The following ADAMTS12 variants were observed in gnomAD, a reference collection of about 807,000 sequenced individuals.
ADAMTS12 encodes the protein A disintegrin and metalloproteinase with thrombospondin motifs 12.
Under a neutral mutation model 167.8 loss-of-function variants are expected in ADAMTS12, and 118 were observed. The ratio of observed to expected loss-of-function variants is 0.70; its 90% confidence interval spans 0.61 to 0.82. ADAMTS12 has a LOEUF of 0.82. Among genes scored for constraint, ADAMTS12 ranks in the 40% least tolerant of loss-of-function variants. The pLI is 0.00. For synonymous variants in ADAMTS12, 704 were observed against 716.9 expected (o/e 0.98, Z 0.29); for missense variants, 1,916 against 1,998.8 (o/e 0.96, Z 0.79).
chr5:33,569,969 T>C (rs1320362458), intron 19 of ADAMTS12, among the ~76,000 whole-genome samples: 6 of 152,168 alleles, frequency 3.9e-5, no homozygotes, highest in Admixed American at 3.9e-4. Context: ...CAGGAGCTGA[T>C]GTGATCAACT....
chr5:33,530,085 A>C (rs62351097), intron 23 of ADAMTS12, among the ~76,000 whole-genome samples: 1 of 103,040 alleles, frequency 9.7e-6, no homozygotes, highest in East Asian at 5.0e-4. Flanking sequence ...ATGCCCAGCT[A>C]ATTTTTTTTT....
At chr5:33,726,920 C>T (rs918499140) in intron 3 of ADAMTS12, among the ~76,000 whole-genome samples, 5 of 150,828 alleles carry the variant, frequency 3.3e-5, no homozygotes, top group South Asian at 2.1e-4. Context: ...TCCAGGAATC[C>T]GCCTGGGCAG....
chr5:33,696,917 C>T (rs571308857), intron 3 of ADAMTS12, among the ~76,000 whole-genome samples: 9 of 152,272 alleles, frequency 5.9e-5, no homozygotes, highest in African/African-American at 2.2e-4. Context: ...TGCTGTTCTC[C>T]ACAGTTCAGC....
intron 2 of ADAMTS12, among the ~76,000 whole-genome samples, chr5:33,775,592 C>A (rs1293867152): frequency 6.6e-6 from 1 of 152,126 alleles, no homozygotes; most frequent in Non-Finnish European, 1.5e-5. Flanking sequence ...GGAAAACTAG[C>A]CATTAAAGAA....
At chr5:33,696,420 C>CAAA (rs71600922) in intron 3 of ADAMTS12, among the ~76,000 whole-genome samples, 8,954 of 129,696 alleles carry the variant, frequency 0.069, 1,084 homozygotes, top group African/African-American at 0.24. Context: ...GACTCCGTCT[C>CAAA]AAAAAAAAAA....
chr5:33,772,674 C>T (rs992087343), intron 2 of ADAMTS12, among the ~76,000 whole-genome samples: 2 of 152,180 alleles, frequency 1.3e-5, no homozygotes, highest in African/African-American at 4.8e-5. Flanking sequence ...TTCATAAACC[C>T]TTAGCATAGT....
intron 3 of ADAMTS12, among the ~76,000 whole-genome samples, chr5:33,716,345 T>A (rs535909654): frequency 2.4e-4 from 37 of 152,296 alleles, no homozygotes; most frequent in Admixed American, 1.8e-3. Context: ...CTGTTATTTA[T>A]AAATTAACCA....
chr5:33,657,421 T>G (rs1399926349), intron 7 of ADAMTS12, among the ~76,000 whole-genome samples: 1 of 152,196 alleles, frequency 6.6e-6, no homozygotes, highest in African/African-American at 2.4e-5. Flanking sequence ...CCTATTAGTA[T>G]GATGCTCTCT....
intron 16 of ADAMTS12, chr5:33,603,767 C>A (rs1476053214): frequency 7.4e-6 from 1 of 136,002 alleles, no homozygotes; most frequent in Admixed American, 7.4e-5. Flanking sequence ...AATAAGAAAA[C>A]AACATCTTAG....
At chr5:33,548,798 T>C (rs891933636) in intron 21 of ADAMTS12, among the ~76,000 whole-genome samples, 1 of 152,010 alleles carries the variant, frequency 6.6e-6, no homozygotes, top group Admixed American at 6.6e-5. Context: ...GTGGAAAAGA[T>C]AGGGCTGTTT....
At chr5:33,743,997 C>CA (rs2112377268) in intron 3 of ADAMTS12, among the ~76,000 whole-genome samples, 1 of 152,244 alleles carries the variant, frequency 6.6e-6, no homozygotes, top group South Asian at 2.1e-4. Flanking sequence ...AAACTGGCTC[C>CA]ATATAGGTAA....
At position 33,720,372 on chromosome 5, in the gene ADAMTS12, A is replaced by T. The variant is rs561770296; in HGVS notation, c.634+31032T>A. ...AACTCCATTAAGTATTTTATTCTGG[A>T]TTCAAGAATAAGCATTCCAAGTTCA... On this transcript the variant is annotated intron_variant, in intron 3 of 23. Transcript: ENST00000504830. Among the ~76,000 whole-genome samples the T allele has an allele frequency of 2.0e-5, 3 of 151,712 alleles. 1 individual carries two copies. Among genetic ancestry groups the T allele is most frequent in the African/African-American group, 7.2e-5 (3 of 41,414 alleles).
intron 3 of ADAMTS12, among the ~76,000 whole-genome samples, chr5:33,741,637 CT>C (rs777653372): frequency 1.3e-5 from 2 of 151,764 alleles, no homozygotes; most frequent in Non-Finnish European, 2.9e-5. Context: ...TCCAAACCCA[CT>C]TTTTTTTGGA....
At chr5:33,857,690 T>A (rs1749460371) in intron 2 of ADAMTS12, among the ~76,000 whole-genome samples, 1 of 152,178 alleles carries the variant, frequency 6.6e-6, no homozygotes, top group Admixed American at 6.5e-5. Context: ...AAAATTGGAA[T>A]TATATTTACT....
chr5:33,588,580 C>G lies in ADAMTS12; in HGVS notation c.2865+19G>C. On this transcript the variant is annotated intron_variant, in intron 18 of 23. Transcript: ENST00000504830. ...GAAGCTTGAATAATGCCAGTTTCCC[C>G]GCCGAGCCCTGAGCTCACCTCACTC... The G allele has an allele frequency of 6.2e-7, 1 of 1,612,308 alleles. No individual in the cohort carries two copies. The highest frequency in any genetic ancestry group is 8.5e-7 in the Non-Finnish European group (1 of 1,178,366).
chr5:33,551,238 C>A (rs543795659), intron 20 of ADAMTS12, among the ~76,000 whole-genome samples: 7 of 152,212 alleles, frequency 4.6e-5, no homozygotes, highest in African/African-American at 1.7e-4. Flanking sequence ...CAGATTTCAC[C>A]AAGTCACCTG....
At chr5:33,720,560 T>TG (rs535369582) in intron 3 of ADAMTS12, among the ~76,000 whole-genome samples, 117 of 152,268 alleles carry the variant, frequency 7.7e-4, no homozygotes, top group African/African-American at 2.7e-3. Context: ...TCTTGCCAGA[T>TG]GGAGAGAAGC....
chr5:33,891,519 C>T (rs1258089270), intron 1 of ADAMTS12: 3 of 636,020 alleles, frequency 4.7e-6, no homozygotes, highest in Non-Finnish European at 8.0e-6. Context: ...AGGTACTCAC[C>T]TTTCTATAAG....
intron 1 of ADAMTS12, among the ~76,000 whole-genome samples, chr5:33,888,584 C>T (rs1229786344): frequency 6.6e-6 from 1 of 152,136 alleles, no homozygotes; most frequent in African/African-American, 2.4e-5. Flanking sequence ...GAAAACACTG[C>T]AACATTCCCT....
Sources: allele counts gnomAD v4.1 joint callset (sites outside exome capture counted in the v4.1 genomes callset), GRCh38; gene constraint gnomAD v4.1.1; transcripts MANE v1.5; gene names NCBI Gene and HGNC (gene_info 2026-07-23, HGNC 2026-07-21).